Variants in BTNL8 observed in about 807,000 individuals in gnomAD.
The protein encoded by BTNL8 is butyrophilin like 8, also known as butyrophilin-like protein 8.
Under a neutral mutation model 36.1 loss-of-function variants are expected in BTNL8, and 22 were observed. That is an observed-to-expected ratio of 0.61 (90% CI 0.44 to 0.87). The LOEUF (loss-of-function observed/expected upper bound fraction) is 0.87. BTNL8 is among the 40% of genes least tolerant of loss of function. The pLI, the probability that BTNL8 is intolerant of heterozygous loss-of-function variation, is 0.00. For missense variants in BTNL8, 526 were observed against 616.9 expected (o/e 0.85, Z 1.56); for synonymous variants, 203 against 235.6 (o/e 0.86, Z 1.27).
intron 3 of BTNL8, among the ~76,000 whole-genome samples, chr5:180,936,194 C>T (rs1251535109): frequency 6.6e-6 from 1 of 152,052 alleles, no homozygotes; most frequent in African/African-American, 2.4e-5. Context: ...CAGGCGTGAG[C>T]CACCGCCCCG....
At chr5:180,906,530 T>C (rs1304245218) in intron 1 of BTNL8, among the ~76,000 whole-genome samples, 1 of 125,202 alleles carries the variant, frequency 8.0e-6, no homozygotes, top group Non-Finnish European at 1.6e-5. Context: ...ACATTTAACG[T>C]TAATATTGTT....
intron 1 of BTNL8, 69 bp downstream of exon 1, chr5:180,899,428 A>T: frequency 6.6e-7 from 1 of 1,508,694 alleles, no homozygotes; most frequent in South Asian, 1.1e-5. Flanking sequence ...TGGTTGCAGC[A>T]TAATGGAATG....
At chr5:180,941,232 T>TA (rs1404205145) in intron 3 of BTNL8, among the ~76,000 whole-genome samples, 1 of 152,092 alleles carries the variant, frequency 6.6e-6, no homozygotes, top group Non-Finnish European at 1.5e-5. Flanking sequence ...ACATGGAACA[T>TA]ACTAAAATAG....
At chr5:180,902,507 A>G (rs1175052221) in intron 1 of BTNL8, 11 of 1,114,040 alleles carry the variant, frequency 9.9e-6, no homozygotes, top group Non-Finnish European at 1.2e-5. Context: ...AGTAGGTCAC[A>G]CTATAAAGGG....
rs141036891 is a variant in BTNL8 at position 180,909,770 on chromosome 5, A to G, written c.397+837A>G. ...AGGAAAAAACAGAAATTTATTGTTT[A>G]CAGTTGTTGCCGTGTGCAGTCAGTG... On this transcript the variant is annotated intron_variant, in intron 2 of 7. Coordinates refer to ENST00000340184, the MANE Select transcript of BTNL8 (RefSeq NM_001040462.3). 2.6e-5 allele frequency: 5 copies of G among 192,646 alleles called. No individual in the cohort carries two copies. The East Asian group carries it at 7.5e-4, about 29-fold the overall frequency. 11.9% of individuals were successfully genotyped at this position (192,646 alleles called of 1,614,324 possible).
intron 3 of BTNL8, among the ~76,000 whole-genome samples, chr5:180,944,731 A>T (rs1315585408): frequency 6.6e-6 from 1 of 152,250 alleles, no homozygotes; most frequent in Non-Finnish European, 1.5e-5. Context: ...TGATCATTAC[A>T]TATTGTACAC....
chr5:180,949,802 T>C (rs1224819769), intron 7 of BTNL8, 102 bp from the exon 8 acceptor site: 2 of 1,363,800 alleles, frequency 1.5e-6, no homozygotes, highest in Non-Finnish European at 2.0e-6. Context: ...GCCTCACCTA[T>C]GCCACCCAGA....
At chr5:180,900,013 G>A (rs1756753858) in intron 1 of BTNL8, among the ~76,000 whole-genome samples, 1 of 152,188 alleles carries the variant, frequency 6.6e-6, no homozygotes, top group Admixed American at 6.5e-5. Flanking sequence ...TTCACTTTCT[G>A]TCTGTGAAGG....
intron 2 of BTNL8, 65 bp downstream of exon 2, chr5:180,908,998 T>A: frequency 6.7e-7 from 1 of 1,488,124 alleles, no homozygotes; most frequent in Non-Finnish European, 9.0e-7. Flanking sequence ...AAGTGTTTTT[T>A]TCAATAAGGA....
intron 3 of BTNL8, among the ~76,000 whole-genome samples, chr5:180,929,893 G>A (rs1156932591): frequency 6.6e-6 from 1 of 152,160 alleles, no homozygotes; most frequent in Non-Finnish European, 1.5e-5. Flanking sequence ...GTACAAAGAG[G>A]AGCTGGTACT....
rs770364219 is a variant in BTNL8 at position 180,949,870 on chromosome 5, A to G, written c.863-34A>G. The G allele has an allele frequency of 9.8e-6, 14 of 1,427,714 alleles. 3 individuals carry two copies. The East Asian group carries it at 3.4e-4, about 35-fold the overall frequency. The allele number at this position is 1,427,714 out of a possible 1,614,324, so 88.4% of individuals were successfully genotyped here. Reference sequence around the variant, plus strand: ...TCCAGCCCAGATTTCGTCTTCAGTAACTCATGCTTCCTCTCTCCCCCACCG... The same window carrying G: ...TCCAGCCCAGATTTCGTCTTCAGTAGCTCATGCTTCCTCTCTCCCCCACCG... On this transcript the variant is annotated intron_variant, in intron 7 of 7. Coordinates refer to ENST00000340184, the MANE Select transcript of BTNL8 (RefSeq NM_001040462.3).
At chr5:180,915,547 G>T (rs1757589286) in intron 3 of BTNL8, among the ~76,000 whole-genome samples, 1 of 152,204 alleles carries the variant, frequency 6.6e-6, no homozygotes. Context: ...AAAAAGATCT[G>T]AGAGACTTCC....
chr5:180,906,107 A>G (rs895275035), intron 1 of BTNL8, among the ~76,000 whole-genome samples: 1 of 141,442 alleles, frequency 7.1e-6, no homozygotes, highest in African/African-American at 2.9e-5. Context: ...GATCTATCTA[A>G]TGTTGACAGT....
intron 3 of BTNL8, among the ~76,000 whole-genome samples, chr5:180,940,028 C>A (rs1157716023): frequency 6.6e-6 from 1 of 152,096 alleles, no homozygotes; most frequent in Non-Finnish European, 1.5e-5. Flanking sequence ...AGTTAAAGAA[C>A]TCCTTAAAAC....
In BTNL8 at chr5:180,908,907, A is replaced by G. The variant is rs1023220185; in HGVS notation, c.371A>G (p.Lys124Arg). 7 of 1,613,454 alleles carry G rather than the reference A, an allele frequency of 4.3e-6. No individual in the cohort carries two copies. The African/African-American group carries it at 9.3e-5, about 22-fold the overall frequency. ...CRISSQSYYQ[K>R]AIWELQVSAL... is the part of the protein sequence containing the mutation. ...ATTAGTTCCCAGTCTTACTACCAGA[A>G]GGCCATCTGGGAGCTACAGGTGTCA... The change falls in exon 2 of 8, where the codon AAG becomes AGG. Residue 124 changes from lysine (K) to arginine (R), a missense_variant. Physicochemically the swap from Lys to Arg is conservative, Grantham distance 26 (BLOSUM62 2). Around this residue, in one of 2 missense-constraint regions of BTNL8, gnomAD observed 350 missense variants for 324.6 expected, o/e 1.08. Transcript: ENST00000340184.
intron 4 of BTNL8, chr5:180,948,111 C>G: frequency 1.5e-6 from 1 of 665,752 alleles, no homozygotes; most frequent in South Asian, 1.9e-5. Context: ...CTCCCATCTC[C>G]ATCCCCACCT....
intron 1 of BTNL8, among the ~76,000 whole-genome samples, chr5:180,903,701 A>G (rs1756938248): frequency 4.2e-5 from 3 of 71,514 alleles, no homozygotes; most frequent in East Asian, 4.0e-4. Context: ...TGATTTTTGT[A>G]TAAGGTGTAA....
chr5:180,907,806 G>A (rs942925135), intron 1 of BTNL8, among the ~76,000 whole-genome samples: 1 of 151,676 alleles, frequency 6.6e-6, no homozygotes, highest in African/African-American at 2.4e-5. Flanking sequence ...CCCCTGCTGG[G>A]GGGTGCCTCC....
At chr5:180,941,912 C>CTTTTTTTTTTTT (rs1554145496) in intron 3 of BTNL8, among the ~76,000 whole-genome samples, 61 of 144,888 alleles carry the variant, frequency 4.2e-4, no homozygotes, top group African/African-American at 6.8e-4. Flanking sequence ...TTTTACTACT[C>CTTTTTTTTTTTT]TTATTCAACA....
Sources: gnomAD v4.1 joint callset for allele counts (sites outside exome capture counted in the v4.1 genomes callset) on GRCh38, gnomAD v4.1.1 for gene constraint, gnomAD v4.1.1 regional missense constraint, MANE v1.5 for transcripts, NCBI Gene and HGNC (gene_info 2026-07-23, HGNC 2026-07-21) for gene names.